Variants in GOLGA8A observed in about 807,000 individuals in gnomAD.
The protein encoded by GOLGA8A is golgin subfamily A member 8A.
A neutral mutation model predicts 22.1 loss-of-function variants in GOLGA8A; 3 were observed. The ratio of observed to expected loss-of-function variants is 0.14; its 90% confidence interval spans 0.06 to 0.35. The LOEUF (loss-of-function observed/expected upper bound fraction) is 0.35, where lower values mean the gene tolerates loss of function less well. Among genes scored for constraint, GOLGA8A ranks in the 10% least tolerant of loss-of-function variants. The pLI is 1.00. For missense variants in GOLGA8A, 16 were observed against 233.2 expected (o/e 0.07, Z 6.07); for synonymous variants, 7 against 91.7 (o/e 0.08, Z 5.28).
intron 12 of GOLGA8A, 74 bp from the exon 13 acceptor site, chr15:34,385,852 CA>C (rs1308783878): frequency 1.6e-6 from 1 of 643,082 alleles, no homozygotes; most frequent in African/African-American, 2.7e-5. Context: ...AAGCGGCAGG[CA>C]GGGGCCAGGA....
intron 2 of GOLGA8A, among the ~76,000 whole-genome samples, chr15:34,421,827 G>A (rs1345149814): frequency 1.5e-5 from 2 of 136,900 alleles, no homozygotes; most frequent in South Asian, 5.5e-4. Flanking sequence ...GGTGTCAGAC[G>A]TCACACAACC....
In GOLGA8A at chr15:34,381,327, TA is replaced by T. The variant is rs1343007343; in HGVS notation, c.*83del. 1 of 1,143,538 alleles carries T rather than the reference TA, an allele frequency of 8.7e-7. No individual in the cohort carries two copies. The highest frequency in any genetic ancestry group is 1.3e-6 in the Non-Finnish European group (1 of 764,078). 70.8% of individuals were successfully genotyped at this position (1,143,538 alleles called of 1,614,324 possible). On this transcript the variant is annotated 3_prime_UTR_variant, in exon 25 of 25. Transcript: ENST00000359187. ...GAGTAGCTCTAACATTCAAATGAAGTAAATGAATTGTGTAGGAGATTAACCC... is the reference window on the plus strand; with the variant it reads ...GAGTAGCTCTAACATTCAAATGAAGTAATGAATTGTGTAGGAGATTAACCC...
rs181807704 is a variant in GOLGA8A, at chr15:34,421,181, T to C, written c.-1122-13446A>G. ...TGTGGCTGGCCTGTCTGACATTTGC[T>C]CTGGGAGATGAGCCAGGGTCTGCCC... On this transcript the variant is annotated intron_variant, in intron 2 of 24. Transcript: ENST00000359187. Among the ~76,000 whole-genome samples, 741 of 138,112 alleles carry C rather than the reference T, an allele frequency of 5.4e-3. 43 individuals are homozygous for C. Among genetic ancestry groups the C allele is most frequent in the African/African-American group, 0.015 (575 of 38,118 alleles). The allele number at this position is 138,112 out of a possible 152,430, so 90.6% of individuals were successfully genotyped here. A position where few individuals can be genotyped will look rare whatever the true frequency, so the allele number is the denominator to read the frequency against.
At position 34,379,748 on chromosome 15, in the gene GOLGA8A, A is replaced by G. The variant is rs950985737; in HGVS notation, c.*1663T>C. 6.6e-6 allele frequency: 1 copy of G among 152,658 alleles called. No individual in the cohort carries two copies. The highest frequency in any genetic ancestry group is 1.5e-5 in the Non-Finnish European group (1 of 68,040). 9.5% of individuals were successfully genotyped at this position (152,658 alleles called of 1,614,324 possible). A position where few individuals can be genotyped will look rare whatever the true frequency, so the allele number is the denominator to read the frequency against. On this transcript the variant is annotated 3_prime_UTR_variant, in exon 25 of 25. Transcript: ENST00000359187. ...CTAATAATGTGATGTGTTTTGGAACACAGACATTAGAACTTCATGAAGTTT... is the reference window on the plus strand; with the variant it reads ...CTAATAATGTGATGTGTTTTGGAACGCAGACATTAGAACTTCATGAAGTTT...
intron 2 of GOLGA8A, among the ~76,000 whole-genome samples, chr15:34,422,781 T>C (rs908120692): frequency 1.8e-5 from 2 of 109,228 alleles, no homozygotes; most frequent in African/African-American, 5.3e-5. Flanking sequence ...AGGCCTCCCA[T>C]GTCCCAGGAG....
intron 2 of GOLGA8A, among the ~76,000 whole-genome samples, chr15:34,431,332 T>TATACATATATATATATATAC (rs1893237883): frequency 1.6e-5 from 1 of 63,698 alleles, no homozygotes; most frequent in African/African-American, 5.2e-5. Flanking sequence ...TATATATATA[T>TATACATATATATATATATAC]ATATATATAT....
chr15:34,432,678 GA>G (rs1893311852), intron 2 of GOLGA8A, among the ~76,000 whole-genome samples: 1 of 149,246 alleles, frequency 6.7e-6, no homozygotes, highest in African/African-American at 2.5e-5. Context: ...AACTAGAGAT[GA>G]AAATATTTTC....
At position 34,398,977 on chromosome 15, in the gene GOLGA8A, G is replaced by C. The variant is rs1336650934; in HGVS notation, c.-478+178C>G. On this transcript the variant is annotated intron_variant, in intron 7 of 24. Coordinates refer to ENST00000359187, the MANE Select transcript of GOLGA8A (RefSeq NM_181077.5). ...CACTCTTAATGCCTATCCCAGCATAGATGCAGCACCAAGTACAGTGTCATT... is the reference window on the plus strand; with the variant it reads ...CACTCTTAATGCCTATCCCAGCATACATGCAGCACCAAGTACAGTGTCATT... 4.0e-4 allele frequency among the ~76,000 whole-genome samples: 56 copies of C among 138,324 alleles called. 3 individuals carry two copies. The highest frequency in any genetic ancestry group is 7.7e-4 in the Non-Finnish European group (47 of 61,256). 90.7% of individuals were successfully genotyped at this position (138,324 alleles called of 152,430 possible).
chr15:34,432,295 C>T (rs1893290688), intron 2 of GOLGA8A, among the ~76,000 whole-genome samples: 1 of 148,730 alleles, frequency 6.7e-6, no homozygotes, highest in Non-Finnish European at 1.5e-5. Context: ...AGCACCTTTA[C>T]GTGCCCACCA....
At chr15:34,424,000 T>A (rs2554792) in intron 2 of GOLGA8A, among the ~76,000 whole-genome samples, 1 of 133,216 alleles carries the variant, frequency 7.5e-6, no homozygotes, top group Non-Finnish European at 1.7e-5. Context: ...CAGCCACTGA[T>A]AGCACCTGAG....
intron 2 of GOLGA8A, chr15:34,416,425 T>A (rs1159216662): frequency 6.9e-6 from 1 of 145,536 alleles, no homozygotes; most frequent in African/African-American, 2.5e-5. Flanking sequence ...TCCCAAAATA[T>A]CTATTCTATG....
At position 34,380,196 on chromosome 15, in the gene GOLGA8A, T is replaced by C. The variant is rs577255054; in HGVS notation, c.*1215A>G. ...CACTCAAGGAAAAGAAGTAAATTCC[T>C]ATGTCAGAGTAACCGAGGTGGTTGA... On this transcript the variant is annotated 3_prime_UTR_variant, in exon 25 of 25. Coordinates refer to ENST00000359187, the MANE Select transcript of GOLGA8A (RefSeq NM_181077.5). 1 of 152,352 alleles carries C rather than the reference T, an allele frequency of 6.6e-6. No homozygotes were observed. The highest frequency in any genetic ancestry group is 1.9e-4 in the East Asian group (1 of 5,190). 9.4% of individuals were successfully genotyped at this position (152,352 alleles called of 1,614,324 possible). A position where few individuals can be genotyped will look rare whatever the true frequency, so the allele number is the denominator to read the frequency against.
intron 1 of GOLGA8A, among the ~76,000 whole-genome samples, chr15:34,436,915 G>C (rs1448348044): frequency 6.7e-6 from 1 of 149,630 alleles, no homozygotes. Context: ...GCGAAGATCC[G>C]GGCTCGAGTT....
At chr15:34,398,833 T>TA (rs1891961472) in intron 7 of GOLGA8A, 104 bp from the exon 8 acceptor site, 1 of 106,886 alleles carries the variant, frequency 9.4e-6, no homozygotes, top group African/African-American at 3.2e-5. Context: ...ACATCAGTGT[T>TA]AAAAAGTCTG....
intron 2 of GOLGA8A, among the ~76,000 whole-genome samples, chr15:34,412,718 TCCAGCCATTCC>T (rs1892483117): frequency 1.4e-5 from 2 of 139,248 alleles, no homozygotes; most frequent in East Asian, 4.7e-4. Flanking sequence ...AGGGGGGTCA[TCCAGCCATTCC>T]CCAGCCCTCA....
In GOLGA8A at chr15:34,437,415, C is replaced by A. The variant is rs1688165516; in HGVS notation, c.-1229G>T. 7.1e-6 allele frequency: 1 copy of A among 141,700 alleles called. No individual in the cohort carries two copies. Among genetic ancestry groups the A allele is most frequent in the African/African-American group, 2.6e-5 (1 of 38,928 alleles). The allele number at this position is 141,700 out of a possible 1,614,324, so 8.8% of individuals were successfully genotyped here. The stretch of plus-strand genomic sequence containing the variant: ...CAGCTTACCTGGCCAGGGCGCGGGG[C>A]TGCCCCGGTCCGCCGCCGTCCTCGC... On this transcript the variant is annotated 5_prime_UTR_variant, in exon 1 of 25. Transcript: ENST00000359187.
intron 2 of GOLGA8A, among the ~76,000 whole-genome samples, chr15:34,431,343 A>ATATCTATCTATCTATCTATC (rs1231384010): frequency 8.4e-5 from 10 of 119,350 alleles, no homozygotes; most frequent in Non-Finnish European, 1.2e-4. Context: ...ATATATATAT[A>ATATCTATCTATCTATCTATC]TATCTCACAC....
rs552978940 is a variant in GOLGA8A, at chr15:34,433,719, T to A, written c.-1123+1664A>T. On this transcript the variant is annotated intron_variant, in intron 2 of 24. Transcript: ENST00000359187. Reference sequence around the variant, plus strand: ...ACTCATCCAACAACAGCACTAAGGCTCTGCTGTGTGCCAGGCACTTTTCTA... The same window carrying A: ...ACTCATCCAACAACAGCACTAAGGCACTGCTGTGTGCCAGGCACTTTTCTA... 3.1e-4 allele frequency among the ~76,000 whole-genome samples: 47 copies of A among 149,588 alleles called. 3 individuals are homozygous for A. Among genetic ancestry groups the A allele is most frequent in the African/African-American group, 1.1e-3 (46 of 40,584 alleles).
At chr15:34,431,396 T>C (rs1165269717) in intron 2 of GOLGA8A, among the ~76,000 whole-genome samples, 1 of 142,990 alleles carries the variant, frequency 7.0e-6, no homozygotes, top group Non-Finnish European at 1.5e-5. Context: ...TATATGTATA[T>C]ATATATCACA....
Sources: allele counts gnomAD v4.1 joint callset (sites outside exome capture counted in the v4.1 genomes callset), GRCh38; gene constraint gnomAD v4.1.1; transcripts MANE v1.5; gene names NCBI Gene and HGNC (gene_info 2026-07-23, HGNC 2026-07-21).